The following SLC6A2 variants were observed in gnomAD, a reference collection of about 807,000 sequenced individuals.
The protein encoded by SLC6A2 is sodium-dependent noradrenaline transporter.
SLC6A2 carries 26 observed loss-of-function variants against 71.7 expected under a neutral mutation model. That is an observed-to-expected ratio of 0.36 (90% confidence interval 0.27 to 0.50). The LOEUF is 0.50. Ranked by LOEUF, SLC6A2 falls within the 20% of genes least tolerant of loss-of-function variation. The pLI is 0.96. For synonymous variants in SLC6A2, 363 were observed against 337.9 expected (o/e 1.07, Z -0.82); for missense variants, 581 against 803.9 (o/e 0.72, Z 3.35).
chr16:55,698,534 C>G lies in SLC6A2; in HGVS notation c.1455C>G (p.Val485=), dbSNP rs775241223. ...FAAGTSILFA[V]LMEAIGVSWF... ...CGGGCACCTCCATCCTTTTTGCTGT[C>G]CTCATGGAAGCCATCGGAGTTTCCT... Residue 485 remains valine (V), a synonymous_variant, in exon 11 of 15, where the codon GTC becomes GTG. Transcript: ENST00000568943. The G allele has an allele frequency of 6.2e-7, 1 of 1,613,994 alleles. No homozygotes were observed. Among genetic ancestry groups the G allele is most frequent in the South Asian group, 1.1e-5 (1 of 91,070 alleles).
In SLC6A2 at chr16:55,703,173, T is replaced by C; in HGVS notation, c.*827T>C. The C allele has an allele frequency of 1.0e-6, 1 of 985,396 alleles. No homozygotes were observed. Among genetic ancestry groups the C allele is most frequent in the Non-Finnish European group, 1.2e-6 (1 of 829,902 alleles). 61.0% of individuals were successfully genotyped at this position (985,396 alleles called of 1,614,324 possible). ...GAGGCCTCATGCTGCTCTTGCTCTG[T>C]AAGACACGGAGCCCAGAAACCCATC... is the stretch of plus-strand genomic sequence containing the variant. On this transcript the variant is annotated 3_prime_UTR_variant, in exon 15 of 15. Transcript: ENST00000568943.
rs1263299030 is a variant in SLC6A2, at chr16:55,664,101, G to A, written c.275-5464G>A. On this transcript the variant is annotated intron_variant, in intron 2 of 14. Transcript: ENST00000568943. ...AAGAGGACAGGGTTCAGGAGCTTCAGGAGAGGCAAACACGTGGAGGTTCCT... is the reference window on the plus strand; with the variant it reads ...AAGAGGACAGGGTTCAGGAGCTTCAAGAGAGGCAAACACGTGGAGGTTCCT... Among the ~76,000 whole-genome samples, 3 of 152,178 alleles carry A rather than the reference G, an allele frequency of 2.0e-5. No individual in the cohort carries two copies. The South Asian group carries it at 6.2e-4, about 32-fold the overall frequency.
chr16:55,669,790 C>G, intron 3 of SLC6A2, 94 bp downstream of exon 3: 1 of 1,383,960 alleles, frequency 7.2e-7, no homozygotes, highest in Non-Finnish European at 1.0e-6. Context: ...TAAGGTAGAC[C>G]TCCTGTCATG....
intron 2 of SLC6A2, among the ~76,000 whole-genome samples, chr16:55,663,753 C>T (rs1467866040): frequency 6.6e-6 from 1 of 152,192 alleles, no homozygotes; most frequent in Non-Finnish European, 1.5e-5. Flanking sequence ...AACAGAACCT[C>T]TCTCTCTTTG....
At chr16:55,697,145 T>G (rs754784846) in intron 9 of SLC6A2, among the ~76,000 whole-genome samples, 1 of 152,230 alleles carries the variant, frequency 6.6e-6, no homozygotes, top group African/African-American at 2.4e-5. Flanking sequence ...AAAAATCTTA[T>G]GGAAGGGCTG....
intron 9 of SLC6A2, 84 bp from the exon 10 acceptor site, chr16:55,697,813 G>A (rs1965845541): frequency 2.7e-6 from 4 of 1,498,470 alleles, no homozygotes; most frequent in Non-Finnish European, 3.7e-6. Context: ...CTGGGCTGCA[G>A]GAGGCTCTAG....
Position 55,695,395 on chromosome 16 carries a change from C to T in SLC6A2, c.1140C>T (p.Ala380=). Reference sequence around the variant, plus strand: ...ACAAGGTCAACATTGAGGATGTGGCCACAGAAGGTGGGTGGGCAGCCCACC... The same window carrying T: ...ACAAGGTCAACATTGAGGATGTGGCTACAGAAGGTGGGTGGGCAGCCCACC... ...HEHKVNIEDV[A]TEGAGLVFIL... is the part of the protein sequence containing the mutation. The change falls in exon 8 of 15, where the codon GCC becomes GCT. Residue 380 remains alanine, a synonymous_variant. Transcript: ENST00000568943. The T allele has an allele frequency of 6.2e-7, 1 of 1,614,212 alleles. No homozygotes were observed.
At chr16:55,686,609 G>A (rs1965460345) in intron 5 of SLC6A2, among the ~76,000 whole-genome samples, 1 of 152,120 alleles carries the variant, frequency 6.6e-6, no homozygotes, top group African/African-American at 2.4e-5. Flanking sequence ...GAAAGGGGGG[G>A]TGCACCAGAG....
chr16:55,669,360 C>T (rs755595771), intron 2 of SLC6A2, among the ~76,000 whole-genome samples: 1 of 152,148 alleles, frequency 6.6e-6, no homozygotes, highest in Non-Finnish European at 1.5e-5. Context: ...ACTAATTTGA[C>T]CACAGAACCT....
chr16:55,661,620 G>A (rs1372927348), intron 2 of SLC6A2, among the ~76,000 whole-genome samples: 3 of 152,202 alleles, frequency 2.0e-5, no homozygotes, highest in Admixed American at 6.5e-5. Context: ...TTGATAAAAG[G>A]AAATAAGGCT....
chr16:55,677,151 G>A (rs1007892852), intron 4 of SLC6A2, among the ~76,000 whole-genome samples: 1 of 152,106 alleles, frequency 6.6e-6, no homozygotes, highest in Non-Finnish European at 1.5e-5. Context: ...GGAAAATCTA[G>A]GGCCTCCTTC....
intron 4 of SLC6A2, among the ~76,000 whole-genome samples, chr16:55,677,069 A>G (rs1965112664): frequency 6.6e-6 from 1 of 152,180 alleles, no homozygotes; most frequent in African/African-American, 2.4e-5. Context: ...CCTTGTTTAC[A>G]CACTGCGCTC....
intron 4 of SLC6A2, among the ~76,000 whole-genome samples, chr16:55,673,793 C>T (rs574019389): frequency 1.7e-4 from 26 of 152,284 alleles, no homozygotes; most frequent in African/African-American, 6.3e-4. Flanking sequence ...AACTCCTGGC[C>T]TCAGGTGATC....
chr16:55,678,712 C>G (rs1400503492), intron 4 of SLC6A2, among the ~76,000 whole-genome samples: 2 of 152,188 alleles, frequency 1.3e-5, no homozygotes, highest in African/African-American at 4.8e-5. Context: ...TAGTATTAAT[C>G]ATCTGTGCTA....
chr16:55,677,640 A>G (rs565922445), intron 4 of SLC6A2, among the ~76,000 whole-genome samples: 1 of 151,054 alleles, frequency 6.6e-6, no homozygotes, highest in Non-Finnish European at 1.5e-5. Context: ...TGGGGGATGC[A>G]GGTAGAACTG....
chr16:55,665,288 G>C (rs11865940), intron 2 of SLC6A2, among the ~76,000 whole-genome samples: 1 of 152,110 alleles, frequency 6.6e-6, no homozygotes, highest in Admixed American at 6.5e-5. Context: ...TAAATGTGTC[G>C]AAGTGTGAGC....
At position 55,656,689 on chromosome 16, in the gene SLC6A2, G is replaced by A. The variant is rs1157952355; in HGVS notation, c.-6G>A. On this transcript the variant is annotated 5_prime_UTR_variant, in exon 2 of 15. Coordinates refer to ENST00000568943, the MANE Select transcript of SLC6A2 (RefSeq NM_001172501.3). This position sits in a 1 kb window ranked among gnomAD's most constrained non-coding sequence, Gnocchi z 4.5. ...ACCGGTAAAGTTCCTCTCGCCAGCC[G>A]CATCCATGCTTCTGGCGCGGATGAA... The A allele has an allele frequency of 6.2e-7, 1 of 1,611,898 alleles. No homozygotes were observed. The highest frequency in any genetic ancestry group is 8.5e-7 in the Non-Finnish European group (1 of 1,179,912).
intron 5 of SLC6A2, among the ~76,000 whole-genome samples, chr16:55,690,836 G>T (rs1965594589): frequency 6.6e-6 from 1 of 152,146 alleles, no homozygotes; most frequent in Non-Finnish European, 1.5e-5. Flanking sequence ...TGTAGCCAAG[G>T]GTGAGAAGGA....
intron 10 of SLC6A2, 86 bp from the exon 11 acceptor site, chr16:55,698,383 G>A: frequency 1.1e-6 from 1 of 949,934 alleles, no homozygotes; most frequent in Non-Finnish European, 1.7e-6. Flanking sequence ...AGTGGGACAG[G>A]GGGCAGGTAA....
Sources: gnomAD v4.1 joint callset for allele counts (sites outside exome capture counted in the v4.1 genomes callset) on GRCh38, gnomAD v4.1.1 for gene constraint, Gnocchi (gnomAD v3.1) non-coding constraint, MANE v1.5 for transcripts, NCBI Gene and HGNC (gene_info 2026-07-23, HGNC 2026-07-21) for gene names.